Variants in SAMD12 observed in about 807,000 individuals in gnomAD.
SAMD12 encodes the protein sterile alpha motif domain-containing protein 12.
Under a neutral mutation model 15.0 loss-of-function variants are expected in SAMD12, and 9 were observed. The observed-to-expected ratio is 0.60, with a 90% CI of 0.36 to 1.05. The LOEUF is 1.05. SAMD12 is among the 50% of genes least tolerant of loss of function. The pLI is 0.01. For missense variants in SAMD12, 230 were observed against 234.2 expected (o/e 0.98, Z 0.12); for synonymous variants, 86 against 90.1 (o/e 0.96, Z 0.25).
At chr8:118,456,649 A>G (rs1344735890) in intron 2 of SAMD12, among the ~76,000 whole-genome samples, 1 of 152,238 alleles carries the variant, frequency 6.6e-6, no homozygotes, top group Non-Finnish European at 1.5e-5. Flanking sequence ...CAACTTAAAA[A>G]GCCCAGGAGT....
rs905244990 is a variant in SAMD12, at chr8:118,595,357, A to G, written c.14-14464T>C. Among the ~76,000 whole-genome samples the G allele has an allele frequency of 2.8e-4, 43 of 152,252 alleles. 1 individual carries two copies. The highest frequency in any genetic ancestry group is 4.4e-5 in the Non-Finnish European group (3 of 68,046). ...ATCTCATTGGCTGATATATTAAAAA[A>G]CAAACAAAAAAGGCTAAAGAATCCA... On this transcript the variant is annotated intron_variant, in intron 1 of 3. Coordinates refer to ENST00000314727, the MANE Select transcript of SAMD12 (RefSeq NM_207506.3).
chr8:118,573,333 A>G lies in SAMD12; in HGVS notation c.192+7382T>C, dbSNP rs191239823. ...ACTCCTGACCTCAAGTGATCTACCC[A>G]TCTCGGCCTCCCAAAGTGCTGGGAT... On this transcript the variant is annotated intron_variant, in intron 2 of 3. Coordinates refer to ENST00000314727, the MANE Select transcript of SAMD12 (RefSeq NM_207506.3). Among the ~76,000 whole-genome samples, 9 of 152,166 alleles carry G rather than the reference A, an allele frequency of 5.9e-5. No homozygotes were observed. In the East Asian group the frequency reaches 1.6e-3, roughly 26 times the overall value.
intron 4 of SAMD12, among the ~76,000 whole-genome samples, chr8:118,231,211 T>C (rs1157067614): frequency 6.6e-6 from 1 of 152,150 alleles, no homozygotes; most frequent in Non-Finnish European, 1.5e-5. Context: ...AACTCTGTGC[T>C]ACAGCAGGGA....
intron 4 of SAMD12, among the ~76,000 whole-genome samples, chr8:118,256,037 C>T (rs971504495): frequency 2.6e-5 from 4 of 152,074 alleles, no homozygotes; most frequent in African/African-American, 9.7e-5. Context: ...ACTTTTTAAT[C>T]ATTGCCATTC....
chr8:118,586,720 CTA>C (rs1332753076), intron 1 of SAMD12, among the ~76,000 whole-genome samples: 1 of 152,138 alleles, frequency 6.6e-6, no homozygotes, highest in African/African-American at 2.4e-5. Context: ...TCTGCTAAAT[CTA>C]TGACTAGGAG....
At chr8:118,405,269 A>G (rs1821069520) in intron 3 of SAMD12, among the ~76,000 whole-genome samples, 1 of 152,194 alleles carries the variant, frequency 6.6e-6, no homozygotes, top group Non-Finnish European at 1.5e-5. Context: ...AGTCATGTAC[A>G]AGAAAGTTCA....
chr8:118,323,766 C>T (rs1171319632), intron 4 of SAMD12, among the ~76,000 whole-genome samples: 1 of 152,066 alleles, frequency 6.6e-6, no homozygotes, highest in Non-Finnish European at 1.5e-5. Flanking sequence ...GAGACCCTGT[C>T]TTCTTTATGC....
intron 2 of SAMD12, among the ~76,000 whole-genome samples, chr8:118,508,566 G>A (rs1824988281): frequency 6.6e-6 from 1 of 152,142 alleles, no homozygotes; most frequent in African/African-American, 2.4e-5. Context: ...AGAAGATAAA[G>A]ACACCTTCGT....
At chr8:118,197,658 A>G in exon 5 of SAMD12, 1 of 1,483,350 alleles carries the variant, frequency 6.7e-7, no homozygotes, top group Admixed American at 1.7e-5. Context: ...TGTGAGGAAC[A>G]GGCCATGTTC....
intron 1 of SAMD12, among the ~76,000 whole-genome samples, chr8:118,597,396 A>G (rs1197198222): frequency 1.3e-5 from 2 of 152,226 alleles, no homozygotes. Context: ...GCTAAAGACA[A>G]TAGTGACAAA....
chr8:118,609,086 A>T (rs1563610231), intron 1 of SAMD12, among the ~76,000 whole-genome samples: 1 of 152,246 alleles, frequency 6.6e-6, no homozygotes, highest in Admixed American at 6.5e-5. Flanking sequence ...TACATTTTTC[A>T]AAGTATGTAT....
At chr8:118,324,530 G>C (rs1390857937) in intron 4 of SAMD12, among the ~76,000 whole-genome samples, 1 of 152,084 alleles carries the variant, frequency 6.6e-6, no homozygotes, top group Admixed American at 6.6e-5. Context: ...TCAAACAGAA[G>C]GTGAACTATA....
chr8:118,533,948 G>A (rs1278254433), intron 2 of SAMD12, among the ~76,000 whole-genome samples: 1 of 152,018 alleles, frequency 6.6e-6, no homozygotes, highest in Non-Finnish European at 1.5e-5. Flanking sequence ...TTACATTTGA[G>A]GTTAACATTT....
chr8:118,613,615 GC>G (rs1199854358), intron 1 of SAMD12, among the ~76,000 whole-genome samples: 2 of 152,016 alleles, frequency 1.3e-5, no homozygotes, highest in Non-Finnish European at 2.9e-5. Context: ...TCTCTTTAAT[GC>G]CTATCAAGTC....
At chr8:118,518,661 C>T (rs774539498) in intron 2 of SAMD12, among the ~76,000 whole-genome samples, 4 of 152,170 alleles carry the variant, frequency 2.6e-5, no homozygotes, top group Admixed American at 1.3e-4. Context: ...CCCTTCTCAG[C>T]CCTGACTGCA....
At chr8:118,569,410 A>C (rs1400708269) in intron 2 of SAMD12, among the ~76,000 whole-genome samples, 2 of 152,140 alleles carry the variant, frequency 1.3e-5, no homozygotes, top group Non-Finnish European at 2.9e-5. Flanking sequence ...GAATATGCAA[A>C]TATTCCAAAA....
chr8:118,484,184 A>G (rs1219486987), intron 2 of SAMD12, among the ~76,000 whole-genome samples: 1 of 152,216 alleles, frequency 6.6e-6, no homozygotes, highest in African/African-American at 2.4e-5. Flanking sequence ...GGTCATGTGC[A>G]TATCTGAAGA....
At chr8:118,134,627 G>A in the SAMD12 span, among the ~76,000 whole-genome samples, 8 of 152,246 alleles carry the variant, frequency 5.3e-5, no homozygotes, top group South Asian at 1.7e-3. Context: ...AGCAATCTAC[G>A]GTTTAATGAG....
At chr8:118,175,034 CAAAAAAAAAA>C in the SAMD12 span, among the ~76,000 whole-genome samples, 13 of 78,830 alleles carry the variant, frequency 1.6e-4, no homozygotes, top group East Asian at 4.6e-3. Flanking sequence ...CAAAAAAAAA[CAAAAAAAAAA>C]AAACAAAAAA....
Sources: allele counts gnomAD v4.1 joint callset (sites outside exome capture counted in the v4.1 genomes callset), GRCh38; gene constraint gnomAD v4.1.1; transcripts MANE v1.5; gene names NCBI Gene and HGNC (gene_info 2026-07-23, HGNC 2026-07-21).